Variants in GABRG3 observed in about 807,000 individuals in gnomAD.
GABRG3 encodes gamma-aminobutyric acid type A receptor subunit gamma3.
GABRG3 carries 25 observed loss-of-function variants against 48.8 expected under a neutral mutation model. That is an observed-to-expected ratio of 0.51 (90% CI 0.37 to 0.72). The LOEUF (loss-of-function observed/expected upper bound fraction) is 0.72, where lower values mean the gene tolerates loss of function less well. GABRG3 is among the 30% of genes least tolerant of loss of function. The probability of loss-of-function intolerance (pLI) is 0.00; values close to 1 mark genes in which losing one functional copy is unlikely to be tolerated. For missense variants in GABRG3, 394 were observed against 577.9 expected (o/e 0.68, Z 3.26); for synonymous variants, 227 against 217.6 (o/e 1.04, Z -0.38).
At chr15:27,137,090 A>G (rs756093896) in intron 3 of GABRG3, among the ~76,000 whole-genome samples, 1 of 152,186 alleles carries the variant, frequency 6.6e-6, no homozygotes, top group Non-Finnish European at 1.5e-5. Flanking sequence ...GTTCCCTGTT[A>G]TCTTAATGCT....
intron 3 of GABRG3, among the ~76,000 whole-genome samples, chr15:27,075,850 G>T (rs1896901413): frequency 6.6e-6 from 1 of 152,292 alleles, no homozygotes; most frequent in South Asian, 2.1e-4. Context: ...AAGGATTCCA[G>T]TCCAGGGGAA....
At chr15:27,363,838 CTT>C (rs1895103745) in intron 5 of GABRG3, 1 of 152,180 alleles carries the variant, frequency 6.6e-6, no homozygotes, top group Non-Finnish European at 1.5e-5. Flanking sequence ...GCGGCGCTGT[CTT>C]TGAAATTTCA....
At chr15:27,313,309 T>C (rs13329254) in intron 3 of GABRG3, among the ~76,000 whole-genome samples, 1,383 of 95,424 alleles carry the variant, frequency 0.014, 60 homozygotes, top group African/African-American at 0.054. Flanking sequence ...TATATATATA[T>C]ACCCAACATC....
At chr15:27,283,807 C>G (rs1355043577) in intron 3 of GABRG3, among the ~76,000 whole-genome samples, 1 of 152,092 alleles carries the variant, frequency 6.6e-6, no homozygotes, top group Non-Finnish European at 1.5e-5. Context: ...GATCTCTAGC[C>G]CATCTGCTTT....
chr15:27,000,153 T>C (rs1469713406), intron 2 of GABRG3, among the ~76,000 whole-genome samples: 1 of 152,226 alleles, frequency 6.6e-6, no homozygotes, highest in African/African-American at 2.4e-5. Context: ...ATTCTTCTCA[T>C]TATGATTGTG....
At chr15:27,137,135 G>A (rs1031736100) in intron 3 of GABRG3, among the ~76,000 whole-genome samples, 2 of 152,166 alleles carry the variant, frequency 1.3e-5, no homozygotes, top group African/African-American at 2.4e-5. Context: ...CCTGCTTGCC[G>A]TCCTCAAGAT....
At chr15:27,100,649 C>T (rs1392391824) in intron 3 of GABRG3, among the ~76,000 whole-genome samples, 1 of 152,112 alleles carries the variant, frequency 6.6e-6, no homozygotes, top group Non-Finnish European at 1.5e-5. Context: ...GGATTTCTTT[C>T]AGGTATAGAA....
intron 3 of GABRG3, among the ~76,000 whole-genome samples, chr15:27,195,956 G>A (rs1429372157): frequency 6.6e-6 from 1 of 152,100 alleles, no homozygotes; most frequent in Non-Finnish European, 1.5e-5. Context: ...CCAGCATGAT[G>A]GGTAATTTTC....
intron 5 of GABRG3, among the ~76,000 whole-genome samples, chr15:27,423,775 C>CCTGT (rs1888206610): frequency 1.6e-5 from 2 of 126,704 alleles, no homozygotes; most frequent in African/African-American, 6.4e-5. Flanking sequence ...ATTATATTGC[C>CCTGT]CTGTCTGGTC....
intron 3 of GABRG3, among the ~76,000 whole-genome samples, chr15:27,228,898 T>A (rs2140445793): frequency 6.6e-6 from 1 of 152,358 alleles, no homozygotes; most frequent in African/African-American, 2.4e-5. Flanking sequence ...TTTGCCCACT[T>A]TTTAATGGGG....
At chr15:27,087,078 G>T (rs766415039) in intron 3 of GABRG3, among the ~76,000 whole-genome samples, 1 of 152,218 alleles carries the variant, frequency 6.6e-6, no homozygotes, top group Non-Finnish European at 1.5e-5. Flanking sequence ...GCCAGCCCCC[G>T]TGCTTGGCTG....
intron 5 of GABRG3, among the ~76,000 whole-genome samples, chr15:27,464,991 A>G (rs922256393): frequency 6.6e-6 from 1 of 152,202 alleles, no homozygotes; most frequent in Non-Finnish European, 1.5e-5. Flanking sequence ...ATTAATAAAT[A>G]TGTAAGTCTT....
At chr15:27,444,065 A>C (rs923800628) in intron 5 of GABRG3, among the ~76,000 whole-genome samples, 1 of 152,168 alleles carries the variant, frequency 6.6e-6, no homozygotes, top group Non-Finnish European at 1.5e-5. Context: ...CTTTCTTGAA[A>C]TATCATTATC....
At chr15:27,448,531 T>G (rs1283362374) in intron 5 of GABRG3, among the ~76,000 whole-genome samples, 1 of 152,238 alleles carries the variant, frequency 6.6e-6, no homozygotes, top group African/African-American at 2.4e-5. Flanking sequence ...TATTCTGTTT[T>G]AAAGAAACTT....
chr15:27,367,309 C>T (rs953855000), intron 5 of GABRG3, among the ~76,000 whole-genome samples: 7 of 152,158 alleles, frequency 4.6e-5, no homozygotes, highest in African/African-American at 1.4e-4. Context: ...CTCCTTCATC[C>T]CTAGGCCAAC....
chr15:27,257,199 A>ATT (rs34394194), intron 3 of GABRG3, among the ~76,000 whole-genome samples: 10 of 147,112 alleles, frequency 6.8e-5, no homozygotes, highest in Non-Finnish European at 1.2e-4. Context: ...CCTGTTGGCC[A>ATT]TTTTTTTTTT....
chr15:27,308,115 T>G (rs1224194905), intron 3 of GABRG3, among the ~76,000 whole-genome samples: 14 of 119,980 alleles, frequency 1.2e-4, no homozygotes, highest in South Asian at 2.4e-4. Context: ...TGTTTATACA[T>G]CCAAACATAT....
intron 3 of GABRG3, among the ~76,000 whole-genome samples, chr15:27,268,194 A>G (rs1890979007): frequency 6.6e-6 from 1 of 152,110 alleles, no homozygotes; most frequent in Admixed American, 6.5e-5. Flanking sequence ...AAGAATTTTT[A>G]CTGAAATTTC....
chr15:27,117,229 A>G (rs1897656561), intron 3 of GABRG3, among the ~76,000 whole-genome samples: 1 of 152,242 alleles, frequency 6.6e-6, no homozygotes, highest in Non-Finnish European at 1.5e-5. Context: ...ATCTCATTTC[A>G]TTGAAGTATT....
Sources: gnomAD v4.1 joint callset for allele counts (sites outside exome capture counted in the v4.1 genomes callset) on GRCh38, gnomAD v4.1.1 for gene constraint, MANE v1.5 for transcripts, NCBI Gene and HGNC (gene_info 2026-07-23, HGNC 2026-07-21) for gene names.